SEMA3E: variants seen among roughly 807,000 people sequenced by gnomAD.
SEMA3E encodes the protein semaphorin-3E.
A neutral mutation model predicts 93.6 loss-of-function variants in SEMA3E; 49 were observed. The ratio of observed to expected loss-of-function variants is 0.52; its 90% CI spans 0.42 to 0.66. The LOEUF is 0.66. Ranked by LOEUF, SEMA3E falls within the 30% of genes least tolerant of loss-of-function variation. The pLI is 0.00. For missense variants in SEMA3E, 906 were observed against 964.8 expected (o/e 0.94, Z 0.81); for synonymous variants, 363 against 330.7 (o/e 1.10, Z -1.06).
chr7:83,488,681 A>G (rs1325716995), intron 2 of SEMA3E, among the ~76,000 whole-genome samples: 1 of 152,108 alleles, frequency 6.6e-6, no homozygotes, highest in East Asian at 1.9e-4. Context: ...ATGGCAGACT[A>G]TAGGTGGTGG....
At chr7:83,645,622 G>T (rs908785367) in intron 1 of SEMA3E, among the ~76,000 whole-genome samples, 1 of 151,926 alleles carries the variant, frequency 6.6e-6, no homozygotes. Flanking sequence ...TCAGTTAGAA[G>T]AGAGAGGGAT....
Position 83,627,536 on chromosome 7 carries a change from A to G in SEMA3E, c.115+20892T>C, listed in dbSNP as rs145003436. On this transcript the variant is annotated intron_variant, in intron 1 of 16. Coordinates refer to ENST00000643230, the MANE Select transcript of SEMA3E (RefSeq NM_012431.3). ...ATAGTTAGCTCTTCTTGTTGCATTG[A>G]TCCCTTTACCATTATGTAATGCCCT... Among the ~76,000 whole-genome samples the G allele has an allele frequency of 8.3e-3, 1,244 of 150,014 alleles. 19 individuals carry two copies. Among genetic ancestry groups the G allele is most frequent in the African/African-American group, 0.029 (1,162 of 40,666 alleles).
chr7:83,572,399 G>T (rs1792304623), intron 1 of SEMA3E, among the ~76,000 whole-genome samples: 1 of 152,220 alleles, frequency 6.6e-6, no homozygotes, highest in South Asian at 2.1e-4. Context: ...CCAGCACTTT[G>T]GGAGGCCAAG....
chr7:83,399,538 G>A (rs1425480011), intron 11 of SEMA3E, among the ~76,000 whole-genome samples: 2 of 152,188 alleles, frequency 1.3e-5, no homozygotes, highest in East Asian at 1.9e-4. Context: ...AGGACTCGCT[G>A]AGCAAAGTCA....
chr7:83,363,392 G>A lies in SEMA3E; in HGVS notation c.*4194C>T, dbSNP rs912461310. The A allele has an allele frequency of 6.6e-6, 1 of 152,130 alleles. No individual in the cohort carries two copies. The highest frequency in any genetic ancestry group is 2.4e-5 in the African/African-American group (1 of 41,406). 9.4% of individuals were successfully genotyped at this position (152,130 alleles called of 1,614,324 possible). ...GCAGCTTGCCACCAGATGCTAATAAGTCTCATGGCTTAGAATCAGTGAAAA... is the reference window on the plus strand; with the variant it reads ...GCAGCTTGCCACCAGATGCTAATAAATCTCATGGCTTAGAATCAGTGAAAA... On this transcript the variant is annotated 3_prime_UTR_variant, in exon 17 of 17. Transcript: ENST00000643230.
intron 1 of SEMA3E, among the ~76,000 whole-genome samples, chr7:83,615,756 G>C (rs911923694): frequency 6.6e-6 from 1 of 152,028 alleles, no homozygotes; most frequent in East Asian, 1.9e-4. Flanking sequence ...AAACACACAA[G>C]ACTAGAGAGC....
At chr7:83,620,535 A>T (rs1353662196) in intron 1 of SEMA3E, among the ~76,000 whole-genome samples, 2 of 152,172 alleles carry the variant, frequency 1.3e-5, no homozygotes, top group East Asian at 3.9e-4. Context: ...TCTGGCAGAG[A>T]TACAACAAAA....
At chr7:83,627,670 T>C (rs2115659098) in intron 1 of SEMA3E, among the ~76,000 whole-genome samples, 1 of 136,982 alleles carries the variant, frequency 7.3e-6, no homozygotes, top group South Asian at 2.5e-4. Flanking sequence ...ATTTGCTTGG[T>C]AAATCTTCCT....
chr7:83,416,479 A>G (rs1166661438), intron 5 of SEMA3E, among the ~76,000 whole-genome samples: 3 of 152,126 alleles, frequency 2.0e-5, no homozygotes, highest in East Asian at 1.9e-4. Flanking sequence ...CAAGGTGGTC[A>G]TAGAAATTAT....
At chr7:83,546,571 C>T (rs1424511045) in intron 1 of SEMA3E, among the ~76,000 whole-genome samples, 1 of 151,952 alleles carries the variant, frequency 6.6e-6, no homozygotes, top group African/African-American at 2.4e-5. Context: ...ATTTGTTTTT[C>T]TTCCATTAGC....
At chr7:83,580,867 C>T (rs1030970030) in intron 1 of SEMA3E, among the ~76,000 whole-genome samples, 12 of 151,672 alleles carry the variant, frequency 7.9e-5, no homozygotes, top group Non-Finnish European at 1.5e-4. Context: ...AATACAGTTA[C>T]CAAAAAATTT....
At position 83,388,224 on chromosome 7, in the gene SEMA3E, G is replaced by A. The variant is rs889654880; in HGVS notation, c.1668-1174C>T. Among the ~76,000 whole-genome samples the A allele has an allele frequency of 1.3e-5, 2 of 148,586 alleles. 1 individual carries two copies. Among genetic ancestry groups the A allele is most frequent in the South Asian group, 4.2e-4 (2 of 4,748 alleles). The stretch of plus-strand genomic sequence containing the variant: ...CTCAGGAGACTGAGACAGGAGAATC[G>A]CCTGAAACCGGGAGGTGAAGGTTCC... On this transcript the variant is annotated intron_variant, in intron 14 of 16. Transcript: ENST00000643230.
At chr7:83,543,030 A>C (rs1038840342) in intron 1 of SEMA3E, among the ~76,000 whole-genome samples, 12 of 152,068 alleles carry the variant, frequency 7.9e-5, no homozygotes, top group Admixed American at 2.6e-4. Flanking sequence ...GCTTTAGGGA[A>C]GTTACTTACT....
At chr7:83,482,401 C>CA (rs1790163825) in intron 2 of SEMA3E, among the ~76,000 whole-genome samples, 1 of 151,620 alleles carries the variant, frequency 6.6e-6, no homozygotes, top group East Asian at 1.9e-4. Flanking sequence ...CCCGTCTCTA[C>CA]TAAAAATACA....
At chr7:83,541,462 G>A (rs1791530024) in intron 1 of SEMA3E, among the ~76,000 whole-genome samples, 2 of 151,638 alleles carry the variant, frequency 1.3e-5, no homozygotes, top group Admixed American at 1.3e-4. Context: ...GATGCTGCTG[G>A]ATTCAACAGA....
chr7:83,614,305 C>G (rs1361267501), intron 1 of SEMA3E, among the ~76,000 whole-genome samples: 1 of 152,082 alleles, frequency 6.6e-6, no homozygotes. Context: ...TATGGACAGC[C>G]AGCCAGAAGT....
chr7:83,386,015 C>G (rs1020551069), intron 15 of SEMA3E, among the ~76,000 whole-genome samples: 25 of 152,096 alleles, frequency 1.6e-4, no homozygotes, highest in Admixed American at 3.9e-4. Context: ...TGCACACAGG[C>G]AAGTACACTT....
chr7:83,408,894 A>G (rs1364768309), intron 5 of SEMA3E, among the ~76,000 whole-genome samples: 1 of 152,088 alleles, frequency 6.6e-6, no homozygotes, highest in Non-Finnish European at 1.5e-5. Context: ...TATGATTGTT[A>G]TTGTGATGAT....
chr7:83,511,098 T>A (rs1254597072), intron 1 of SEMA3E, among the ~76,000 whole-genome samples: 3 of 152,088 alleles, frequency 2.0e-5, no homozygotes, highest in Non-Finnish European at 2.9e-5. Context: ...CTTTCCAAAT[T>A]TTTTGGTAAA....
Sources: allele counts gnomAD v4.1 joint callset (sites outside exome capture counted in the v4.1 genomes callset), GRCh38; gene constraint gnomAD v4.1.1; transcripts MANE v1.5; gene names NCBI Gene and HGNC (gene_info 2026-07-23, HGNC 2026-07-21).